ATRNL1: variants seen among roughly 807,000 people sequenced by gnomAD.
ATRNL1 encodes the protein attractin-like protein 1.
Under a neutral mutation model 182.7 loss-of-function variants are expected in ATRNL1, and 95 were observed. The ratio of observed to expected loss-of-function variants is 0.52; its 90% CI spans 0.44 to 0.62. The LOEUF (loss-of-function observed/expected upper bound fraction) is 0.62, where lower values mean the gene tolerates loss of function less well. Ranked by LOEUF, ATRNL1 falls within the 20% of genes least tolerant of loss-of-function variation. The pLI is 0.00. For missense variants in ATRNL1, 1,471 were observed against 1,679.5 expected, an observed-to-expected ratio of 0.88 and a Z score of 2.17; for synonymous variants, 576 against 568.3, an observed-to-expected ratio of 1.01 and a Z score of -0.19.
At chr10:115,577,516 CT>C (rs1555005713) in intron 26 of ATRNL1, among the ~76,000 whole-genome samples, 2 of 150,914 alleles carry the variant, frequency 1.3e-5, no homozygotes, top group Non-Finnish European at 3.0e-5. Flanking sequence ...AATTGTGTAT[CT>C]AATAGACCAT....
chr10:115,137,686 C>T (rs1845577244), intron 5 of ATRNL1, among the ~76,000 whole-genome samples: 1 of 152,164 alleles, frequency 6.6e-6, no homozygotes, highest in African/African-American at 2.4e-5. Flanking sequence ...CCCCATGATT[C>T]AGTTACCTCC....
At chr10:115,477,705 C>G (rs1368436219) in intron 24 of ATRNL1, among the ~76,000 whole-genome samples, 2 of 151,566 alleles carry the variant, frequency 1.3e-5, no homozygotes, top group African/African-American at 4.8e-5. Flanking sequence ...AACAAATACT[C>G]GTTATCATGG....
chr10:115,791,792 A>G (rs1171001190), intron 27 of ATRNL1, among the ~76,000 whole-genome samples: 3 of 152,218 alleles, frequency 2.0e-5, no homozygotes, highest in South Asian at 2.1e-4. Flanking sequence ...TTCTTCTCCA[A>G]TTCTCTTAAC....
intron 9 of ATRNL1, among the ~76,000 whole-genome samples, chr10:115,238,167 T>A (rs1217470288): frequency 6.6e-6 from 1 of 152,198 alleles, no homozygotes; most frequent in East Asian, 1.9e-4. Flanking sequence ...CAAAGCCAGG[T>A]GATGTCAATC....
intron 8 of ATRNL1, among the ~76,000 whole-genome samples, chr10:115,203,266 C>G (rs371603663): frequency 1.7e-4 from 26 of 152,180 alleles, no homozygotes; most frequent in Non-Finnish European, 3.4e-4. Context: ...TGTAAACAAG[C>G]GAAACTTCAA....
chr10:115,460,995 A>G (rs1167655849), intron 21 of ATRNL1, among the ~76,000 whole-genome samples: 3 of 152,144 alleles, frequency 2.0e-5, no homozygotes, highest in African/African-American at 7.2e-5. Flanking sequence ...ATATTGCCTT[A>G]CACTAAATTA....
At chr10:115,850,172 G>C (rs1178970100) in intron 28 of ATRNL1, among the ~76,000 whole-genome samples, 1 of 152,128 alleles carries the variant, frequency 6.6e-6, no homozygotes, top group Non-Finnish European at 1.5e-5. Flanking sequence ...GGACTGATAT[G>C]TCATAAAGCA....
chr10:115,103,587 G>T (rs1554865163), intron 1 of ATRNL1, among the ~76,000 whole-genome samples: 1 of 151,974 alleles, frequency 6.6e-6, no homozygotes, highest in Non-Finnish European at 1.5e-5. Context: ...CCACATCAGG[G>T]TAAATAGGGT....
At chr10:115,710,408 G>A (rs575871245) in intron 26 of ATRNL1, among the ~76,000 whole-genome samples, 1 of 152,242 alleles carries the variant, frequency 6.6e-6, no homozygotes, top group East Asian at 1.9e-4. Context: ...GAAAGTGTGT[G>A]TAGTCATAAT....
chr10:115,766,104 T>TA (rs1384466736), intron 27 of ATRNL1, among the ~76,000 whole-genome samples: 18 of 152,164 alleles, frequency 1.2e-4, no homozygotes, highest in Middle Eastern at 3.4e-3. Flanking sequence ...AGATTTTTTT[T>TA]AATTTGTTTC....
chr10:115,500,560 T>G (rs77866795), intron 24 of ATRNL1, among the ~76,000 whole-genome samples: 24 of 152,278 alleles, frequency 1.6e-4, no homozygotes, highest in Admixed American at 1.4e-3. Flanking sequence ...ATTTTTTTTT[T>G]GAAATGGAGT....
intron 25 of ATRNL1, among the ~76,000 whole-genome samples, chr10:115,543,250 C>T (rs1028905695): frequency 1.3e-5 from 2 of 152,216 alleles, no homozygotes; most frequent in Non-Finnish European, 2.9e-5. Flanking sequence ...TTACCACATT[C>T]AGCCACTGGG....
intron 26 of ATRNL1, among the ~76,000 whole-genome samples, chr10:115,655,792 A>G (rs1206584052): frequency 3.3e-5 from 5 of 152,246 alleles, no homozygotes; most frequent in African/African-American, 1.2e-4. Flanking sequence ...TCATGTCAGT[A>G]GGAGAAGCAA....
intron 24 of ATRNL1, among the ~76,000 whole-genome samples, chr10:115,485,478 C>A (rs1848974253): frequency 6.6e-6 from 1 of 151,922 alleles, no homozygotes; most frequent in African/African-American, 2.4e-5. Flanking sequence ...GTTGTCATTT[C>A]TGTGGTGCAA....
chr10:115,388,703 CTGTGA>C (rs1421517364), intron 19 of ATRNL1, among the ~76,000 whole-genome samples: 1 of 151,784 alleles, frequency 6.6e-6, no homozygotes, highest in Non-Finnish European at 1.5e-5. Context: ...GCTTATTTCT[CTGTGA>C]TGTGTTTCTC....
At chr10:115,277,618 G>T (rs115395725) in intron 13 of ATRNL1, among the ~76,000 whole-genome samples, 1,786 of 144,724 alleles carry the variant, frequency 0.012, 34 homozygotes, top group African/African-American at 0.042. Context: ...TCAATGTTTA[G>T]CATTAAATCT....
chr10:115,399,486 T>C (rs1844452664), intron 20 of ATRNL1, among the ~76,000 whole-genome samples: 1 of 152,112 alleles, frequency 6.6e-6, no homozygotes, highest in Non-Finnish European at 1.5e-5. Flanking sequence ...TCATGGTTGT[T>C]CATATTTCTG....
intron 27 of ATRNL1, among the ~76,000 whole-genome samples, chr10:115,831,001 C>T (rs1555093498): frequency 1.3e-5 from 2 of 152,288 alleles, no homozygotes. Context: ...TAGCCACATA[C>T]ATTCTCTTGT....
chr10:115,523,837 G>A (rs1851077834), intron 25 of ATRNL1, among the ~76,000 whole-genome samples: 1 of 152,072 alleles, frequency 6.6e-6, no homozygotes, highest in Non-Finnish European at 1.5e-5. Flanking sequence ...ACATTTTTAG[G>A]TGTCTTTATA....
Sources: gnomAD v4.1 joint callset for allele counts (sites outside exome capture counted in the v4.1 genomes callset) on GRCh38, gnomAD v4.1.1 for gene constraint, MANE v1.5 for transcripts, NCBI Gene and HGNC (gene_info 2026-07-23, HGNC 2026-07-21) for gene names.